Variants in NEGR1 observed in about 807,000 individuals in gnomAD.
The protein encoded by NEGR1 is IgLON family member 4.
In NEGR1, 10 loss-of-function variants were observed where a neutral mutation model predicts 40.9. The ratio of observed to expected loss-of-function variants is 0.24; its 90% CI spans 0.15 to 0.42. NEGR1 has a LOEUF of 0.42. Ranked by LOEUF, NEGR1 falls within the 10% of genes least tolerant of loss-of-function variation. The pLI is 1.00. For synonymous variants in NEGR1, 185 were observed against 166.8 expected, an observed-to-expected ratio of 1.11 and a Z score of -0.84; for missense variants, 352 against 438.9, an observed-to-expected ratio of 0.80 and a Z score of 1.77.
At chr1:71,742,566 C>CTTTCCCATT (rs1655249146) in intron 3 of NEGR1, among the ~76,000 whole-genome samples, 1 of 152,152 alleles carries the variant, frequency 6.6e-6, no homozygotes, top group Admixed American at 6.5e-5. Flanking sequence ...TCACCCCTTT[C>CTTTCCCATT]TTTCCCATTT....
At chr1:71,522,960 C>T (rs1376359486) in intron 6 of NEGR1, among the ~76,000 whole-genome samples, 1 of 151,890 alleles carries the variant, frequency 6.6e-6, no homozygotes, top group Non-Finnish European at 1.5e-5. Flanking sequence ...TGGCCTTATG[C>T]CCACGAGCCA....
At chr1:71,580,371 T>C (rs1356153506) in intron 6 of NEGR1, among the ~76,000 whole-genome samples, 1 of 151,714 alleles carries the variant, frequency 6.6e-6, no homozygotes, top group African/African-American at 2.4e-5. Flanking sequence ...GACGAGTTAG[T>C]GGGTGCAGCG....
intron 1 of NEGR1, among the ~76,000 whole-genome samples, chr1:72,033,309 G>A (rs1002188489): frequency 3.3e-5 from 5 of 151,948 alleles, no homozygotes; most frequent in South Asian, 2.1e-4. Context: ...TATTCAAATC[G>A]GCTGAATATT....
chr1:71,801,007 T>G (rs1657536419), intron 2 of NEGR1, among the ~76,000 whole-genome samples: 1 of 152,176 alleles, frequency 6.6e-6, no homozygotes, highest in South Asian at 2.1e-4. Flanking sequence ...CACTACTACT[T>G]CCCTGCAACT....
chr1:72,138,798 A>G (rs1410875318), intron 1 of NEGR1, among the ~76,000 whole-genome samples: 2 of 152,054 alleles, frequency 1.3e-5, no homozygotes, highest in Non-Finnish European at 2.9e-5. Context: ...TCCATCTTTC[A>G]ATTAGATAAA....
chr1:72,076,798 T>C (rs574145366), intron 1 of NEGR1, among the ~76,000 whole-genome samples: 1 of 151,602 alleles, frequency 6.6e-6, no homozygotes, highest in East Asian at 1.9e-4. Flanking sequence ...ATACATTATA[T>C]AACAAAGTTT....
rs572354507 is a variant in NEGR1, at chr1:71,734,598, A to C, written c.536-36459T>G. On this transcript the variant is annotated intron_variant, in intron 3 of 6. Coordinates refer to ENST00000357731, the MANE Select transcript of NEGR1 (RefSeq NM_173808.3). The stretch of plus-strand genomic sequence containing the variant: ...TTTACTAAAGTAAAAATAAATGCTG[A>C]TTTAACTATGCTTCTAACACAATCT... Among the ~76,000 whole-genome samples, 81 of 152,242 alleles carry C rather than the reference A, an allele frequency of 5.3e-4. 1 individual carries two copies. Among genetic ancestry groups the C allele is most frequent in the African/African-American group, 1.9e-3 (78 of 41,566 alleles).
chr1:71,593,377 G>T (rs984647884), intron 5 of NEGR1, among the ~76,000 whole-genome samples: 4 of 152,172 alleles, frequency 2.6e-5, no homozygotes, highest in Admixed American at 1.3e-4. Flanking sequence ...GCGAGAGTAT[G>T]TCTGGGTCAT....
At chr1:71,570,032 TTTCTTGATGCCTATTTCC>T (rs1317482914) in intron 6 of NEGR1, among the ~76,000 whole-genome samples, 3 of 152,228 alleles carry the variant, frequency 2.0e-5, no homozygotes, top group African/African-American at 4.8e-5. Context: ...ATGTACTTAA[TTTCTTGATGCCTATTTCC>T]TTAAAAACAA....
At chr1:71,731,071 C>T (rs916984735) in intron 3 of NEGR1, among the ~76,000 whole-genome samples, 1 of 151,892 alleles carries the variant, frequency 6.6e-6, no homozygotes, top group African/African-American at 2.4e-5. Context: ...CGAATAGAAA[C>T]TTGTGGGATT....
At chr1:71,647,286 A>C (rs1315029461) in intron 4 of NEGR1, among the ~76,000 whole-genome samples, 1 of 151,784 alleles carries the variant, frequency 6.6e-6, no homozygotes, top group African/African-American at 2.4e-5. Flanking sequence ...TGATCACAGA[A>C]AGTAATCATT....
intron 1 of NEGR1, among the ~76,000 whole-genome samples, chr1:72,215,395 C>G (rs1653763104): frequency 6.6e-6 from 1 of 152,008 alleles, no homozygotes; most frequent in South Asian, 2.1e-4. Flanking sequence ...AGCTTCTGCA[C>G]AGTAACAGAA....
rs540536194 is a variant in NEGR1, at chr1:71,753,429, C to A, written c.535+22743G>T. The stretch of plus-strand genomic sequence containing the variant: ...TAAAAAATGGTGTTGACTACACCCA[C>A]ATGAATCCTTAAAAGTGGCAGCAGT... On this transcript the variant is annotated intron_variant, in intron 3 of 6. Coordinates refer to ENST00000357731, the MANE Select transcript of NEGR1 (RefSeq NM_173808.3). 2.6e-5 allele frequency among the ~76,000 whole-genome samples: 4 copies of A among 152,304 alleles called. No homozygotes were observed. In the East Asian group the frequency reaches 7.7e-4, roughly 29 times the overall value.
intron 1 of NEGR1, among the ~76,000 whole-genome samples, chr1:72,105,802 A>C (rs980059769): frequency 3.3e-5 from 5 of 152,030 alleles, no homozygotes; most frequent in African/African-American, 1.2e-4. Context: ...CAAGAAAGGG[A>C]AATACTAAGC....
At chr1:71,483,597 A>G (rs1646868429) in intron 6 of NEGR1, among the ~76,000 whole-genome samples, 3 of 151,742 alleles carry the variant, frequency 2.0e-5, no homozygotes, top group Non-Finnish European at 4.4e-5. Flanking sequence ...TATGTGGCTC[A>G]TAGGTTTTAT....
Position 72,254,378 on chromosome 1 carries a change from C to T in NEGR1, c.176+27941G>A, listed in dbSNP as rs1257909261. The stretch of plus-strand genomic sequence containing the variant: ...GATCGTTGTGCTTTCAAAAATGACA[C>T]CATCGCTCCCACTTCATGTACACAT... On this transcript the variant is annotated intron_variant, in intron 1 of 6. Coordinates refer to ENST00000357731, the MANE Select transcript of NEGR1 (RefSeq NM_173808.3). 2.6e-5 allele frequency among the ~76,000 whole-genome samples: 4 copies of T among 152,068 alleles called. No individual in the cohort carries two copies. The South Asian group carries it at 6.2e-4, about 24-fold the overall frequency.
At chr1:71,473,747 G>GT (rs1246677000) in intron 6 of NEGR1, among the ~76,000 whole-genome samples, 3 of 152,018 alleles carry the variant, frequency 2.0e-5, no homozygotes, top group African/African-American at 7.2e-5. Context: ...GCAGTGGGTG[G>GT]TAGTCATCAA....
chr1:71,831,427 A>G (rs181151729), intron 2 of NEGR1, among the ~76,000 whole-genome samples: 15 of 152,070 alleles, frequency 9.9e-5, no homozygotes, highest in African/African-American at 3.1e-4. Context: ...TACATACACA[A>G]TGTATTGTTA....
chr1:72,111,033 A>G (rs1649344516), intron 1 of NEGR1, among the ~76,000 whole-genome samples: 1 of 151,330 alleles, frequency 6.6e-6, no homozygotes, highest in Non-Finnish European at 1.5e-5. Context: ...GGAGAAGGAG[A>G]AAAAGGTAAT....
Sources: gnomAD v4.1 joint callset for allele counts (sites outside exome capture counted in the v4.1 genomes callset) on GRCh38, gnomAD v4.1.1 for gene constraint, MANE v1.5 for transcripts, NCBI Gene and HGNC (gene_info 2026-07-23, HGNC 2026-07-21) for gene names.